Variants in PRDM16 observed in about 807,000 individuals in gnomAD.
PRDM16 encodes histone-lysine N-methyltransferase PRDM16.
A neutral mutation model predicts 110.6 loss-of-function variants in PRDM16; 23 were observed. The ratio of observed to expected loss-of-function variants is 0.21; its 90% CI spans 0.15 to 0.29. The LOEUF is 0.29. PRDM16 is among the 10% of genes least tolerant of loss of function. The probability of loss-of-function intolerance (pLI) is 1.00; values close to 1 mark genes in which losing one functional copy is unlikely to be tolerated. For missense variants in PRDM16, 1,615 were observed against 1,794.3 expected, an observed-to-expected ratio of 0.90 and a Z score of 1.81; for synonymous variants, 799 against 781.8, an observed-to-expected ratio of 1.02 and a Z score of -0.37.
At chr1:3,199,307 G>A (rs1011195040) in intron 2 of PRDM16, among the ~76,000 whole-genome samples, 4 of 152,182 alleles carry the variant, frequency 2.6e-5, no homozygotes, top group African/African-American at 9.7e-5. Flanking sequence ...CCTGGGGCAG[G>A]GGCACAAAAA....
At chr1:3,240,232 A>C (rs1404455755) in intron 2 of PRDM16, among the ~76,000 whole-genome samples, 1 of 151,978 alleles carries the variant, frequency 6.6e-6, no homozygotes, top group Non-Finnish European at 1.5e-5. Flanking sequence ...CCTGGGCAAC[A>C]TAGTGAGACC....
At chr1:3,174,457 G>A (rs1644062966) in intron 1 of PRDM16, among the ~76,000 whole-genome samples, 1 of 152,150 alleles carries the variant, frequency 6.6e-6, no homozygotes, top group Non-Finnish European at 1.5e-5. Context: ...GGGGGCTGGT[G>A]GAGACTCCCT....
At chr1:3,131,878 C>T (rs1643342801) in intron 1 of PRDM16, among the ~76,000 whole-genome samples, 1 of 152,228 alleles carries the variant, frequency 6.6e-6, no homozygotes. Context: ...CCTCCTCCTC[C>T]CTCCTGGGCC....
chr1:3,158,643 G>A (rs1305368717), intron 1 of PRDM16, among the ~76,000 whole-genome samples: 3 of 151,916 alleles, frequency 2.0e-5, no homozygotes, highest in Non-Finnish European at 4.4e-5. Context: ...GGGTTTGTTG[G>A]AGATTTTTCT....
chr1:3,179,804 C>A (rs1211626420), intron 1 of PRDM16, among the ~76,000 whole-genome samples: 4 of 152,210 alleles, frequency 2.6e-5, no homozygotes, highest in Non-Finnish European at 5.9e-5. Flanking sequence ...CCCGAGTGAT[C>A]TCGTACAAGC....
intron 3 of PRDM16, among the ~76,000 whole-genome samples, chr1:3,367,658 G>T (rs76586769): frequency 6.6e-6 from 1 of 152,168 alleles, no homozygotes. Flanking sequence ...CTTCTTCCCC[G>T]CTGTAGACTA....
In PRDM16 at chr1:3,432,003, G is replaced by C; in HGVS notation, c.3559G>C (p.Glu1187Gln). ...EDHEGGLLAL[E>Q]PMPTFGKGLD... ...CCACGAAGGCGGTCTGTTAGCTTTG[G>C]AGCCGATGCCGACTTTTGGGAAGGG... The change falls in exon 16 of 17, where the codon GAG (glutamate) becomes CAG (glutamine). Residue 1187 changes from glutamate to glutamine, a missense_variant. By Grantham distance (29) the Glu-to-Gln change is conservative. Coordinates refer to ENST00000270722, the MANE Select transcript of PRDM16 (RefSeq NM_022114.4). The C allele has an allele frequency of 6.2e-7, 1 of 1,614,028 alleles. No homozygotes were observed. Among genetic ancestry groups the C allele is most frequent in the Non-Finnish European group, 8.5e-7 (1 of 1,180,022 alleles).
In PRDM16 at chr1:3,088,696, G is replaced by C. The variant is rs867832383; in HGVS notation, c.37+19400G>C. 2.3e-4 allele frequency among the ~76,000 whole-genome samples: 35 copies of C among 151,300 alleles called. No individual in the cohort carries two copies. The South Asian group carries it at 6.7e-3, about 29-fold the overall frequency. On this transcript the variant is annotated intron_variant, in intron 1 of 16. Coordinates refer to ENST00000270722, the MANE Select transcript of PRDM16 (RefSeq NM_022114.4). ...TTAGCCAGGATGGTCTCTATCTCCTGATCTCAGCCTCTCAGAGTGTTGGGA... is the reference window on the plus strand; with the variant it reads ...TTAGCCAGGATGGTCTCTATCTCCTCATCTCAGCCTCTCAGAGTGTTGGGA...
rs1393568789 is a variant in PRDM16, at chr1:3,350,250, C to T, written c.439-34902C>T. On this transcript the variant is annotated intron_variant, in intron 3 of 16. Coordinates refer to ENST00000270722, the MANE Select transcript of PRDM16 (RefSeq NM_022114.4). This position sits in a 1 kb window ranked among gnomAD's most constrained non-coding sequence, Gnocchi z 7.1. ...CTGAGGCAGGAGGATCGCTTGAGCTCAGGAGGTCCGGGCTACAGAGAGCTG... is the reference window on the plus strand; with the variant it reads ...CTGAGGCAGGAGGATCGCTTGAGCTTAGGAGGTCCGGGCTACAGAGAGCTG... Among the ~76,000 whole-genome samples the T allele has an allele frequency of 2.6e-5, 4 of 152,170 alleles. No homozygotes were observed. Among genetic ancestry groups the T allele is most frequent in the Admixed American group, 2.6e-4 (4 of 15,270 alleles).
At chr1:3,297,195 G>A (rs1641107578) in intron 3 of PRDM16, among the ~76,000 whole-genome samples, 1 of 151,984 alleles carries the variant, frequency 6.6e-6, no homozygotes, top group African/African-American at 2.4e-5. Context: ...GCGTCTCCTT[G>A]GACTCACATT....
chr1:3,325,054 CT>C lies in PRDM16; in HGVS notation c.439-60097del, dbSNP rs570191318. On this transcript the variant is annotated intron_variant, in intron 3 of 16. Coordinates refer to ENST00000270722, the MANE Select transcript of PRDM16 (RefSeq NM_022114.4). ...GGCCTCTGAACTCCGCCAACCACCT[CT>C]CCCCCAGCCCAGAGCTGGCTCAGCC... Among the ~76,000 whole-genome samples, 5 of 152,320 alleles carry C rather than the reference CT, an allele frequency of 3.3e-5. No individual in the cohort carries two copies. In the East Asian group the frequency reaches 9.7e-4, roughly 29 times the overall value.
At chr1:3,327,139 G>T (rs1269775677) in intron 3 of PRDM16, among the ~76,000 whole-genome samples, 1 of 152,250 alleles carries the variant, frequency 6.6e-6, no homozygotes, top group Non-Finnish European at 1.5e-5. Flanking sequence ...TTGTGTCTGA[G>T]ACTGCATCTT....
intron 3 of PRDM16, among the ~76,000 whole-genome samples, chr1:3,263,121 G>A (rs1640200973): frequency 6.6e-6 from 1 of 152,284 alleles, no homozygotes; most frequent in South Asian, 2.1e-4. Flanking sequence ...CAGCCTGCCT[G>A]GCGGCCCCTC....
rs189716082 is a variant in PRDM16 at position 3,255,968 on chromosome 1, G to A, written c.438+11831G>A. Among the ~76,000 whole-genome samples the A allele has an allele frequency of 5.5e-4, 83 of 151,942 alleles. No homozygotes were observed. The highest frequency in any genetic ancestry group is 2.0e-3 in the African/African-American group (82 of 41,490). ...AACAGTACAGGGTGGAACGAGCTCCGCCTCTCAGGGGAGGGACAGGATTAC... is the reference window on the plus strand; with the variant it reads ...AACAGTACAGGGTGGAACGAGCTCCACCTCTCAGGGGAGGGACAGGATTAC... On this transcript the variant is annotated intron_variant, in intron 3 of 16. Transcript: ENST00000270722. The surrounding 1 kb of genome is among the most constrained non-coding windows in gnomAD (Gnocchi z 4.7).
rs1034314967 is a variant in PRDM16 at position 3,243,533 on chromosome 1, C to G, written c.388-554C>G. Reference sequence around the variant, plus strand: ...ACCGCTGGGCAGAGTCCAGCTCCCCCCGACCTCTGCCTCCTGAGCTGGACT... The same window carrying G: ...ACCGCTGGGCAGAGTCCAGCTCCCCGCGACCTCTGCCTCCTGAGCTGGACT... On this transcript the variant is annotated intron_variant, in intron 2 of 16. Coordinates refer to ENST00000270722, the MANE Select transcript of PRDM16 (RefSeq NM_022114.4). The surrounding 1 kb of genome is among the most constrained non-coding windows in gnomAD (Gnocchi z 5.5). 6.6e-6 allele frequency among the ~76,000 whole-genome samples: 1 copy of G among 152,346 alleles called. No homozygotes were observed. The highest frequency in any genetic ancestry group is 2.1e-4 in the South Asian group (1 of 4,834).
intron 1 of PRDM16, among the ~76,000 whole-genome samples, chr1:3,106,163 G>A (rs995660546): frequency 6.6e-6 from 1 of 152,212 alleles, no homozygotes; most frequent in Admixed American, 6.5e-5. Flanking sequence ...GGCGGGGTAT[G>A]GGGGGAAGCC....
At chr1:3,418,099 C>A in intron 11 of PRDM16, 102 bp downstream of exon 11, 1 of 971,054 alleles carries the variant, frequency 1.0e-6, no homozygotes, top group Non-Finnish European at 1.5e-6. Flanking sequence ...GAGTCCCGGC[C>A]ATAGGAAAGC....
chr1:3,349,567 G>A (rs1484184628), intron 3 of PRDM16, among the ~76,000 whole-genome samples: 1 of 152,194 alleles, frequency 6.6e-6, no homozygotes, highest in Non-Finnish European at 1.5e-5. Context: ...TTGTCCCGGG[G>A]CAGCTGACCC....
chr1:3,128,583 C>T (rs534436036), intron 1 of PRDM16, among the ~76,000 whole-genome samples: 2 of 152,186 alleles, frequency 1.3e-5, no homozygotes, highest in African/African-American at 4.8e-5. Flanking sequence ...GACTCTCACT[C>T]GGGAACCCAG....
Sources: gnomAD v4.1 joint callset for allele counts (sites outside exome capture counted in the v4.1 genomes callset) on GRCh38, gnomAD v4.1.1 for gene constraint, Gnocchi (gnomAD v3.1) non-coding constraint, MANE v1.5 for transcripts, NCBI Gene and HGNC (gene_info 2026-07-23, HGNC 2026-07-21) for gene names.